The following B3GALT1 variants were observed in gnomAD, a reference collection of about 807,000 sequenced individuals.
B3GALT1 encodes UDP-Gal:betaGlcNAc beta 1,3-galactosyltransferase, polypeptide 1.
B3GALT1 carries 10 observed loss-of-function variants against 23.2 expected under a neutral mutation model. That is an observed-to-expected ratio of 0.43 (90% CI 0.27 to 0.73). The LOEUF (loss-of-function observed/expected upper bound fraction) is 0.73, where lower values mean the gene tolerates loss of function less well. Among genes scored for constraint, B3GALT1 ranks in the 30% least tolerant of loss-of-function variants. The pLI, the probability that B3GALT1 is intolerant of heterozygous loss-of-function variation, is 0.21. For synonymous variants in B3GALT1, 156 were observed against 141.5 expected, an observed-to-expected ratio of 1.10 and a Z score of -0.73; for missense variants, 299 against 405.4, an observed-to-expected ratio of 0.74 and a Z score of 2.25.
At chr2:167,864,950 A>T (rs924321979) in intron 4 of B3GALT1, among the ~76,000 whole-genome samples, 10 of 151,994 alleles carry the variant, frequency 6.6e-5, no homozygotes, top group Admixed American at 6.6e-5. Flanking sequence ...TCCAGAAAAG[A>T]ATGCTCATTC....
intron 3 of B3GALT1, among the ~76,000 whole-genome samples, chr2:167,755,175 A>C (rs1484125945): frequency 6.6e-6 from 1 of 152,152 alleles, no homozygotes; most frequent in African/African-American, 2.4e-5. Context: ...TTAACTACTG[A>C]GGCCAGCCCA....
chr2:167,672,479 G>A (rs1287644276), intron 3 of B3GALT1, among the ~76,000 whole-genome samples: 1 of 152,054 alleles, frequency 6.6e-6, no homozygotes, highest in Non-Finnish European at 1.5e-5. Context: ...GACTCAACAT[G>A]AGACTCAAAA....
intron 3 of B3GALT1, among the ~76,000 whole-genome samples, chr2:167,665,521 T>C (rs1212510471): frequency 2.0e-5 from 3 of 151,474 alleles, no homozygotes; most frequent in Non-Finnish European, 2.9e-5. Context: ...TTGATTGGAA[T>C]AGTTTCAGAA....
intron 1 of B3GALT1, among the ~76,000 whole-genome samples, chr2:167,353,818 T>C (rs1697357542): frequency 2.6e-5 from 4 of 152,210 alleles, no homozygotes; most frequent in Admixed American, 2.0e-4. Flanking sequence ...TTGTTGGTTA[T>C]CTGATACCTC....
intron 3 of B3GALT1, among the ~76,000 whole-genome samples, chr2:167,705,596 A>G (rs979063076): frequency 2.0e-4 from 30 of 152,236 alleles, no homozygotes; most frequent in African/African-American, 7.0e-4. Context: ...TTGTAAAGTC[A>G]GAGTCCAGTT....
At chr2:167,641,941 C>T (rs1043022642) in intron 2 of B3GALT1, among the ~76,000 whole-genome samples, 23 of 152,170 alleles carry the variant, frequency 1.5e-4, no homozygotes, top group Non-Finnish European at 1.9e-4. Flanking sequence ...ATCTATCAGG[C>T]ATCCTTCATT....
At chr2:167,498,091 A>G (rs898071407) in intron 2 of B3GALT1, among the ~76,000 whole-genome samples, 1 of 152,168 alleles carries the variant, frequency 6.6e-6, no homozygotes, top group Admixed American at 6.5e-5. Context: ...CTGATTTTAT[A>G]ACAAAGCCCA....
chr2:167,470,158 C>T (rs1031398191), intron 1 of B3GALT1, among the ~76,000 whole-genome samples: 1 of 152,124 alleles, frequency 6.6e-6, no homozygotes, highest in African/African-American at 2.4e-5. Flanking sequence ...TTGATTTCTG[C>T]TATACCCATA....
At chr2:167,307,818 G>A (rs936268441) in intron 1 of B3GALT1, among the ~76,000 whole-genome samples, 2 of 151,672 alleles carry the variant, frequency 1.3e-5, no homozygotes, top group South Asian at 2.1e-4. Context: ...TTCCCCACTC[G>A]TACCAGTTGA....
At chr2:167,309,548 A>G (rs1696603881) in intron 1 of B3GALT1, among the ~76,000 whole-genome samples, 1 of 151,984 alleles carries the variant, frequency 6.6e-6, no homozygotes, top group Non-Finnish European at 1.5e-5. Context: ...ACACTGATCT[A>G]CCTCTTAAAA....
intron 1 of B3GALT1, among the ~76,000 whole-genome samples, chr2:167,373,453 G>A (rs2177442): frequency 0.83 from 125,423 of 151,808 alleles, 52,965 homozygotes; most frequent in East Asian, 0.92. Context: ...TTCTAAATAC[G>A]TATTTCAGTC....
rs182106308 is a variant in B3GALT1 at position 167,323,856 on chromosome 2, C to A, written c.-511+30522C>A. On this transcript the variant is annotated intron_variant, in intron 1 of 4. Transcript: ENST00000392690. The stretch of plus-strand genomic sequence containing the variant: ...AGAAATTCTTATTTTTTTTTCTTAA[C>A]TCGAGGAGTTGTACTTGTCCACTCC... 1.5e-4 allele frequency among the ~76,000 whole-genome samples: 22 copies of A among 151,166 alleles called. No homozygotes were observed. The East Asian group carries it at 4.3e-3, about 29-fold the overall frequency.
intron 1 of B3GALT1, among the ~76,000 whole-genome samples, chr2:167,483,750 A>T (rs1201639633): frequency 1.3e-5 from 2 of 152,228 alleles, no homozygotes; most frequent in Admixed American, 1.3e-4. Flanking sequence ...TCAGCCCTCC[A>T]TAGAATCAGA....
At chr2:167,745,499 G>T (rs1687639401) in intron 3 of B3GALT1, among the ~76,000 whole-genome samples, 1 of 152,000 alleles carries the variant, frequency 6.6e-6, no homozygotes, top group Admixed American at 6.5e-5. Flanking sequence ...ACTCCATTTT[G>T]TTGTTTGCTT....
intron 3 of B3GALT1, among the ~76,000 whole-genome samples, chr2:167,654,801 C>T (rs201760102): frequency 1.4e-5 from 2 of 145,198 alleles, no homozygotes; most frequent in African/African-American, 2.5e-5. Context: ...CAGCCTCTTT[C>T]TTTTTTTTTT....
chr2:167,653,926 T>C (rs978571397), intron 3 of B3GALT1, among the ~76,000 whole-genome samples: 5 of 152,164 alleles, frequency 3.3e-5, no homozygotes. Flanking sequence ...TCTGAGCTGT[T>C]GAAGTTACCT....
chr2:167,400,676 C>T (rs541263480), intron 1 of B3GALT1, among the ~76,000 whole-genome samples: 2 of 152,212 alleles, frequency 1.3e-5, no homozygotes, highest in South Asian at 4.1e-4. Flanking sequence ...TTAAACTTTT[C>T]CTTGTGCATC....
intron 3 of B3GALT1, among the ~76,000 whole-genome samples, chr2:167,699,455 C>T (rs1686843460): frequency 7.4e-6 from 1 of 134,516 alleles, no homozygotes; most frequent in African/African-American, 2.7e-5. Context: ...ATTACATACT[C>T]TCCTTTAGTT....
intron 1 of B3GALT1, among the ~76,000 whole-genome samples, chr2:167,476,768 C>T (rs1699492752): frequency 6.6e-6 from 1 of 152,008 alleles, no homozygotes; most frequent in Non-Finnish European, 1.5e-5. Flanking sequence ...ATTTCATCAT[C>T]TATAATTTAT....
Sources: allele counts gnomAD v4.1 joint callset (sites outside exome capture counted in the v4.1 genomes callset), GRCh38; gene constraint gnomAD v4.1.1; transcripts MANE v1.5; gene names NCBI Gene and HGNC (gene_info 2026-07-23, HGNC 2026-07-21).